The following IGF2BP2 variants were observed in gnomAD, a reference collection of about 807,000 sequenced individuals.
The protein encoded by IGF2BP2 is insulin like growth factor 2 mRNA binding protein 2, also known as insulin-like growth factor 2 mRNA-binding protein 2.
Under a neutral mutation model 75.8 loss-of-function variants are expected in IGF2BP2, and 17 were observed. That is an observed-to-expected ratio of 0.22 (90% confidence interval 0.15 to 0.34). The LOEUF is 0.34. Among genes scored for constraint, IGF2BP2 ranks in the 10% least tolerant of loss-of-function variants. The pLI is 1.00. For missense variants in IGF2BP2, 516 were observed against 772.4 expected (o/e 0.67, Z 3.93); for synonymous variants, 288 against 295.6 (o/e 0.97, Z 0.26).
At chr3:185,757,333 A>G (rs943767886) in intron 2 of IGF2BP2, among the ~76,000 whole-genome samples, 3 of 152,158 alleles carry the variant, frequency 2.0e-5, no homozygotes, top group African/African-American at 7.2e-5. Flanking sequence ...GCACCAAGTT[A>G]GTTGCTGAGT....
intron 2 of IGF2BP2, among the ~76,000 whole-genome samples, chr3:185,704,742 G>A (rs543889094): frequency 3.9e-5 from 6 of 152,134 alleles, no homozygotes; most frequent in East Asian, 1.9e-4. Context: ...GAGCCACCAC[G>A]CCAGCCCAAC....
chr3:185,698,588 T>C (rs1184648018), intron 2 of IGF2BP2, among the ~76,000 whole-genome samples: 1 of 152,148 alleles, frequency 6.6e-6, no homozygotes, highest in African/African-American at 2.4e-5. Context: ...CACTGCAACC[T>C]CTGCCTCCCA....
Position 185,645,755 on chromosome 3 carries a change from C to G in IGF2BP2, c.1708-132G>C. ...TGCTCAGACAAGCATCATCTACCCACCCCCGCACGTTACTCCAGGCCCTTT... is the reference window on the plus strand; with the variant it reads ...TGCTCAGACAAGCATCATCTACCCAGCCCCGCACGTTACTCCAGGCCCTTT... On this transcript the variant is annotated intron_variant, in intron 15 of 15. Coordinates refer to ENST00000382199, the MANE Select transcript of IGF2BP2 (RefSeq NM_006548.6). The surrounding 1 kb of genome is among the most constrained non-coding windows in gnomAD (Gnocchi z 4.9). The G allele has an allele frequency of 1.5e-6, 1 of 663,544 alleles. No individual in the cohort carries two copies. Among genetic ancestry groups the G allele is most frequent in the Non-Finnish European group, 2.7e-6 (1 of 366,036 alleles). 41.1% of individuals were successfully genotyped at this position (663,544 alleles called of 1,614,324 possible).
At chr3:185,821,399 AC>A (rs1249281617) in intron 2 of IGF2BP2, among the ~76,000 whole-genome samples, 9 of 152,300 alleles carry the variant, frequency 5.9e-5, no homozygotes, top group Middle Eastern at 3.4e-3. Flanking sequence ...TATACTAAAA[AC>A]TGGGGACATG....
intron 2 of IGF2BP2, among the ~76,000 whole-genome samples, chr3:185,817,620 A>G (rs745873668): frequency 2.6e-5 from 4 of 152,208 alleles, no homozygotes; most frequent in Non-Finnish European, 5.9e-5. Flanking sequence ...CCATGCCACC[A>G]AATGAAAATT....
At chr3:185,694,497 A>G (rs1280785166) in intron 4 of IGF2BP2, among the ~76,000 whole-genome samples, 1 of 152,214 alleles carries the variant, frequency 6.6e-6, no homozygotes, top group African/African-American at 2.4e-5. Flanking sequence ...ACTGGGCATG[A>G]AAGTTCTATA....
chr3:185,662,888 C>G (rs1170676841), intron 10 of IGF2BP2, among the ~76,000 whole-genome samples: 1 of 152,060 alleles, frequency 6.6e-6, no homozygotes, highest in African/African-American at 2.4e-5. Flanking sequence ...CCATGTTGGT[C>G]AGGCTAGTCT....
chr3:185,648,911 A>C (rs902051135), intron 14 of IGF2BP2, among the ~76,000 whole-genome samples: 1 of 152,094 alleles, frequency 6.6e-6, no homozygotes, highest in African/African-American at 2.4e-5. Context: ...GACTGGAGGC[A>C]TCTGTCAGGA....
chr3:185,724,090 A>C (rs1726969507), intron 2 of IGF2BP2, among the ~76,000 whole-genome samples: 2 of 152,194 alleles, frequency 1.3e-5, no homozygotes, highest in Admixed American at 1.3e-4. Flanking sequence ...AAAAGTCCTA[A>C]GTGGCACCAG....
chr3:185,729,953 A>AAG (rs1257813528), intron 2 of IGF2BP2, among the ~76,000 whole-genome samples: 1 of 152,220 alleles, frequency 6.6e-6, no homozygotes, highest in Non-Finnish European at 1.5e-5. Context: ...CATTCTCGCT[A>AAG]AGATTTTTAG....
chr3:185,754,967 T>C (rs1403467414), intron 2 of IGF2BP2, among the ~76,000 whole-genome samples: 2 of 152,132 alleles, frequency 1.3e-5, no homozygotes, highest in East Asian at 3.9e-4. Flanking sequence ...TTTGGAAAAT[T>C]TGCAGCCAGG....
At chr3:185,754,521 G>A (rs891526204) in intron 2 of IGF2BP2, among the ~76,000 whole-genome samples, 8 of 152,282 alleles carry the variant, frequency 5.3e-5, no homozygotes, top group South Asian at 2.1e-4. Context: ...ACGTGGAAGC[G>A]GCTGTGGATC....
intron 2 of IGF2BP2, among the ~76,000 whole-genome samples, chr3:185,710,279 C>T (rs2149411506): frequency 6.6e-6 from 1 of 150,384 alleles, no homozygotes; most frequent in South Asian, 2.1e-4. Flanking sequence ...TTTCCACAGA[C>T]TGTGGGCAAG....
At chr3:185,776,635 A>C (rs1734571525) in intron 2 of IGF2BP2, among the ~76,000 whole-genome samples, 1 of 152,184 alleles carries the variant, frequency 6.6e-6, no homozygotes, top group Non-Finnish European at 1.5e-5. Flanking sequence ...GAGGGCGGAG[A>C]TAGAGAAGAC....
At chr3:185,678,311 C>G (rs1181803047) in intron 7 of IGF2BP2, among the ~76,000 whole-genome samples, 2 of 152,176 alleles carry the variant, frequency 1.3e-5, no homozygotes, top group East Asian at 3.8e-4. Flanking sequence ...ATTTGAAGTG[C>G]TGAAAGAAAC....
Position 185,742,423 on chromosome 3 carries a change from G to A in IGF2BP2, c.240-44076C>T, listed in dbSNP as rs993319187. On this transcript the variant is annotated intron_variant, in intron 2 of 15. Transcript: ENST00000382199. The stretch of plus-strand genomic sequence containing the variant: ...AGGTAGGAGAACTGCTTGAATCCAG[G>A]AGGTGGAGGTTGCAGTGAGCCGAGA... 6.2e-4 allele frequency among the ~76,000 whole-genome samples: 95 copies of A among 152,264 alleles called. 1 individual carries two copies. Among genetic ancestry groups the A allele is most frequent in the African/African-American group, 2.0e-3 (82 of 41,562 alleles).
Position 185,816,151 on chromosome 3 carries a change from C to A in IGF2BP2, c.239+7002G>T, listed in dbSNP as rs544212934. Among the ~76,000 whole-genome samples the A allele has an allele frequency of 2.6e-5, 4 of 152,318 alleles. No homozygotes were observed. The South Asian group carries it at 8.3e-4, about 32-fold the overall frequency. On this transcript the variant is annotated intron_variant, in intron 2 of 15. Coordinates refer to ENST00000382199, the MANE Select transcript of IGF2BP2 (RefSeq NM_006548.6). ...ATTCCTTGAGCTAGACTTTCATTCA[C>A]CACATGGCACATAGTCTTGACCCGG...
chr3:185,767,415 A>G (rs1462279933), intron 2 of IGF2BP2, among the ~76,000 whole-genome samples: 1 of 152,168 alleles, frequency 6.6e-6, no homozygotes, highest in Non-Finnish European at 1.5e-5. Context: ...ATCCAATCCC[A>G]TTTCCATAAG....
intron 2 of IGF2BP2, among the ~76,000 whole-genome samples, chr3:185,801,163 C>A (rs1321505458): frequency 2.0e-5 from 3 of 152,098 alleles, no homozygotes; most frequent in African/African-American, 7.2e-5. Flanking sequence ...AATGAGATAC[C>A]ATATCAAGGC....
Sources: allele counts gnomAD v4.1 joint callset (sites outside exome capture counted in the v4.1 genomes callset), GRCh38; gene constraint gnomAD v4.1.1; non-coding constraint Gnocchi (gnomAD v3.1); transcripts MANE v1.5; gene names NCBI Gene and HGNC (gene_info 2026-07-23, HGNC 2026-07-21).